The following ESYT3 variants were observed in gnomAD, a reference collection of about 807,000 sequenced individuals.
ESYT3 encodes extended synaptotagmin-3.
A neutral mutation model predicts 111.5 loss-of-function variants in ESYT3; 101 were observed. The ratio of observed to expected loss-of-function variants is 0.91; its 90% CI spans 0.77 to 1.07. The LOEUF (loss-of-function observed/expected upper bound fraction) is 1.07, where lower values mean the gene tolerates loss of function less well. Among genes scored for constraint, ESYT3 ranks in the 50% least tolerant of loss-of-function variants. The pLI, the probability that ESYT3 is intolerant of heterozygous loss-of-function variation, is 0.00. For synonymous variants in ESYT3, 416 were observed against 446.8 expected (o/e 0.93, Z 0.87); for missense variants, 1,097 against 1,109.4 (o/e 0.99, Z 0.16).
intron 7 of ESYT3, among the ~76,000 whole-genome samples, chr3:138,461,357 G>A (rs1455101604): frequency 6.6e-6 from 1 of 152,172 alleles, no homozygotes; most frequent in East Asian, 1.9e-4. Context: ...ACCATCTGGG[G>A]GCAAGTGAAG....
At position 138,435,696 on chromosome 3, in the gene ESYT3, C is replaced by G. The variant is rs2030619716; in HGVS notation, c.327+571C>G. Among the ~76,000 whole-genome samples, 2 of 151,882 alleles carry G rather than the reference C, an allele frequency of 1.3e-5. No individual in the cohort carries two copies. The highest frequency in any genetic ancestry group is 4.2e-4 in the South Asian group (2 of 4,814). On this transcript the variant is annotated intron_variant, in intron 1 of 22. Coordinates refer to ENST00000389567, the MANE Select transcript of ESYT3 (RefSeq NM_031913.5). This position sits in a 1 kb window ranked among gnomAD's most constrained non-coding sequence, Gnocchi z 4.8. ...GGCCTCCTTCCCTCCCTCCCTCCGC[C>G]GGATAGGGATGCCGGCACACGCACA... is the stretch of plus-strand genomic sequence containing the variant.
At chr3:138,480,064 T>G (rs1001311575), downstream of ESYT3, 1 of 152,056 alleles carries the variant, frequency 6.6e-6, no homozygotes, top group East Asian at 1.9e-4. Context: ...ACTTCCAAAT[T>G]AGCAGTGAAG....
intron 16 of ESYT3, chr3:138,470,377 C>A (rs961213026): frequency 1.6e-6 from 2 of 1,238,300 alleles, no homozygotes; most frequent in Non-Finnish European, 2.0e-6. Context: ...CTTGACTTTC[C>A]CTGCAAAAGG....
intron 10 of ESYT3, among the ~76,000 whole-genome samples, chr3:138,465,809 G>A (rs1040427858): frequency 6.6e-6 from 1 of 152,148 alleles, no homozygotes; most frequent in African/African-American, 2.4e-5. Context: ...CCCTTCAGGG[G>A]TATGAGAGGA....
chr3:138,450,432 G>A (rs1447680273), intron 1 of ESYT3, among the ~76,000 whole-genome samples: 2 of 152,228 alleles, frequency 1.3e-5, no homozygotes, highest in East Asian at 1.9e-4. Context: ...ATTCCTTCCC[G>A]CATCGATCTC....
chr3:138,442,825 T>C (rs2031255981), intron 1 of ESYT3, among the ~76,000 whole-genome samples: 1 of 152,170 alleles, frequency 6.6e-6, no homozygotes, highest in South Asian at 2.1e-4. Flanking sequence ...CATTTCTCAA[T>C]TTAATTAGTA....
At chr3:138,481,069 T>TA (rs1299781715), downstream of ESYT3, 1 of 152,158 alleles carries the variant, frequency 6.6e-6, no homozygotes, top group Non-Finnish European at 1.5e-5. Context: ...CATATCACAT[T>TA]AAAAAATCAA....
At chr3:138,461,012 T>A (rs1412654996) in intron 7 of ESYT3, among the ~76,000 whole-genome samples, 1 of 152,156 alleles carries the variant, frequency 6.6e-6, no homozygotes, top group African/African-American at 2.4e-5. Context: ...GAGGGGAGGC[T>A]GTGTGGCTCT....
intron 3 of ESYT3, among the ~76,000 whole-genome samples, chr3:138,456,579 C>T (rs1025613689): frequency 2.6e-5 from 4 of 152,248 alleles, no homozygotes; most frequent in African/African-American, 9.6e-5. Context: ...GGTCAGCAGC[C>T]GGGAGCTGCC....
rs1028648078 is a variant in ESYT3, at chr3:138,434,903, C to T, written c.105C>T (p.Leu35=). ...LRLSSQLLPE[L]CTFVVRVLFY... ...TGTCCAGCCAGCTGCTGCCCGAGCT[C>T]TGTACCTTCGTGGTGCGCGTGCTGT... is the stretch of plus-strand genomic sequence containing the variant. Residue 35 remains leucine, a synonymous_variant, in exon 1 of 23, where the codon CTC becomes CTT. Transcript: ENST00000389567. 9.0e-6 allele frequency: 14 copies of T among 1,551,336 alleles called. No homozygotes were observed. In the Admixed American group the frequency reaches 2.0e-4, roughly 22 times the overall value.
Position 138,440,493 on chromosome 3 carries a change from G to T in ESYT3, c.327+5368G>T, listed in dbSNP as rs962418513. On this transcript the variant is annotated intron_variant, in intron 1 of 22. Coordinates refer to ENST00000389567, the MANE Select transcript of ESYT3 (RefSeq NM_031913.5). The surrounding 1 kb of genome is among the most constrained non-coding windows in gnomAD (Gnocchi z 4.2). Reference sequence around the variant, plus strand: ...CTCTGAGCTAGCCTGGGCACTCTCAGATTAGATCACAAAGCCTGATGCTTG... The same window carrying T: ...CTCTGAGCTAGCCTGGGCACTCTCATATTAGATCACAAAGCCTGATGCTTG... Among the ~76,000 whole-genome samples the T allele has an allele frequency of 6.6e-6, 1 of 152,202 alleles. No individual in the cohort carries two copies. The highest frequency in any genetic ancestry group is 2.4e-5 in the African/African-American group (1 of 41,454).
At chr3:138,474,876 C>T (rs2033412003) in intron 20 of ESYT3, among the ~76,000 whole-genome samples, 1 of 152,168 alleles carries the variant, frequency 6.6e-6, no homozygotes, top group Non-Finnish European at 1.5e-5. Context: ...TTTGATGGGC[C>T]AGTGGTGGCA....
At chr3:138,448,406 A>C (rs1576429146) in intron 1 of ESYT3, among the ~76,000 whole-genome samples, 1 of 152,092 alleles carries the variant, frequency 6.6e-6, no homozygotes, top group Admixed American at 6.6e-5. Flanking sequence ...GTCCAGAAAC[A>C]CACCAAAGTA....
At chr3:138,450,379 G>A (rs2031842626) in intron 1 of ESYT3, among the ~76,000 whole-genome samples, 1 of 152,132 alleles carries the variant, frequency 6.6e-6, no homozygotes. Context: ...TGAGCAGGTG[G>A]CATCACTCCC....
intron 1 of ESYT3, among the ~76,000 whole-genome samples, chr3:138,441,058 C>T (rs1208621563): frequency 1.3e-5 from 2 of 152,194 alleles, no homozygotes; most frequent in Non-Finnish European, 2.9e-5. Context: ...CTATCCTTGG[C>T]TGGAAGTGGC....
chr3:138,459,036 G>A (rs2032461227), intron 4 of ESYT3, 151 bp from the exon 5 acceptor site: 2 of 530,870 alleles, frequency 3.8e-6, no homozygotes, highest in Admixed American at 2.9e-5. Flanking sequence ...AAAGGCTGAG[G>A]CTACTAGGCC....
chr3:138,464,230 C>A, intron 8 of ESYT3, 115 bp from the exon 9 acceptor site: 1 of 1,222,622 alleles, frequency 8.2e-7, no homozygotes, highest in Non-Finnish European at 1.1e-6. Context: ...CTGGTCCAGA[C>A]CGTGGAGGGG....
chr3:138,446,351 G>A (rs950277145), intron 1 of ESYT3, among the ~76,000 whole-genome samples: 19 of 152,296 alleles, frequency 1.2e-4, no homozygotes, highest in African/African-American at 4.3e-4. Context: ...CTCCACTACT[G>A]GAGATTATAA....
chr3:138,461,221 C>T (rs2032617965), intron 7 of ESYT3, among the ~76,000 whole-genome samples: 2 of 152,160 alleles, frequency 1.3e-5, no homozygotes, highest in Admixed American at 6.5e-5. Context: ...CTCACTGCAC[C>T]CCTTCCAAAC....
Sources: allele counts gnomAD v4.1 joint callset (sites outside exome capture counted in the v4.1 genomes callset), GRCh38; gene constraint gnomAD v4.1.1; non-coding constraint Gnocchi (gnomAD v3.1); transcripts MANE v1.5; gene names NCBI Gene and HGNC (gene_info 2026-07-23, HGNC 2026-07-21).